The following ATP6V1C2 variants were observed in gnomAD, a reference collection of about 807,000 sequenced individuals.
The protein encoded by ATP6V1C2 is V-type proton ATPase subunit C 2.
ATP6V1C2 carries 45 observed loss-of-function variants against 56.8 expected under a neutral mutation model. That is an observed-to-expected ratio of 0.79 (90% CI 0.62 to 1.02). The LOEUF (loss-of-function observed/expected upper bound fraction) is 1.02. Among genes scored for constraint, ATP6V1C2 ranks in the 50% least tolerant of loss-of-function variants. ATP6V1C2 has a pLI of 0.00. For missense variants in ATP6V1C2, 463 were observed against 519.7 expected, an observed-to-expected ratio of 0.89 and a Z score of 1.06; for synonymous variants, 220 against 201.3, an observed-to-expected ratio of 1.09 and a Z score of -0.79.
intron 3 of ATP6V1C2, among the ~76,000 whole-genome samples, chr2:10,745,420 T>A (rs1662855821): frequency 6.6e-6 from 1 of 150,774 alleles, no homozygotes; most frequent in Non-Finnish European, 1.5e-5. Context: ...AGTGGCACCA[T>A]CTCAACTCAC....
chr2:10,723,837 C>CAA lies in ATP6V1C2; in HGVS notation c.129+877_129+878dup, dbSNP rs145669254. On this transcript the variant is annotated intron_variant, in intron 2 of 13. Coordinates refer to ENST00000272238, the MANE Select transcript of ATP6V1C2 (RefSeq NM_001039362.2). Reference sequence around the variant, plus strand: ...CTGGGTGAACGGCGAGACTCTGTCTCAAAAAAAAAAAAAAAAAAAGAATGA... The same window carrying CAA: ...CTGGGTGAACGGCGAGACTCTGTCTCAAAAAAAAAAAAAAAAAAAAAGAATGA... 2.2e-3 allele frequency among the ~76,000 whole-genome samples: 269 copies of CAA among 122,734 alleles called. 1 individual carries two copies. The highest frequency in any genetic ancestry group is 9.2e-3 in the East Asian group (42 of 4,542). The allele number at this position is 122,734 out of a possible 152,430, so 80.5% of individuals were successfully genotyped here. A position where few individuals can be genotyped will look rare whatever the true frequency, so the allele number is the denominator to read the frequency against.
At position 10,754,060 on chromosome 2, in the gene ATP6V1C2, A is replaced by C. The variant is rs1025104606; in HGVS notation, c.277A>C (p.Asn93His). Residue 93 changes from asparagine to histidine, a missense_variant, in exon 4 of 14, where the codon AAC becomes CAC. Asn to His is a moderately conservative substitution (Grantham distance 68). Transcript: ENST00000272238. The stretch of plus-strand genomic sequence containing the variant: ...GAAGGTCCAGGAGCACCTCCTGGCA[A>C]ACGGAGGTAGGTAGGGCGGCCCTCT... ...KGKVQEHLLANGVDLTSFVTH... is the reference protein window; with the variant it reads ...KGKVQEHLLAHGVDLTSFVTH... The C allele has an allele frequency of 6.2e-7, 1 of 1,600,614 alleles. No homozygotes were observed. Among genetic ancestry groups the C allele is most frequent in the African/African-American group, 1.3e-5 (1 of 74,572 alleles).
At position 10,783,260 on chromosome 2, in the gene ATP6V1C2, C is replaced by A; in HGVS notation, c.1281C>A (p.Asp427Glu). The change falls in exon 14 of 14, where the codon GAC (aspartate) becomes GAA (glutamate). Residue 427 changes from aspartate (D) to glutamate (E), a missense_variant. By Grantham distance (45) the Asp-to-Glu change is conservative. Coordinates refer to ENST00000272238, the MANE Select transcript of ATP6V1C2 (RefSeq NM_001039362.2). ...VYFHIDLSLL[D>E] The stretch of plus-strand genomic sequence containing the variant: ...TCCATATTGACCTTAGTCTTCTTGA[C>A]TAGAAAGGCCAGCTGGCACCTCTGT... 1 of 1,608,266 alleles carries A rather than the reference C, an allele frequency of 6.2e-7. No individual in the cohort carries two copies. The highest frequency in any genetic ancestry group is 8.5e-7 in the Non-Finnish European group (1 of 1,174,758).
intron 12 of ATP6V1C2, among the ~76,000 whole-genome samples, chr2:10,781,864 TA>T (rs968506636): frequency 3.3e-5 from 5 of 152,236 alleles, no homozygotes; most frequent in African/African-American, 1.2e-4. Flanking sequence ...ACAATCTTGA[TA>T]AACCAGATTT....
chr2:10,726,618 G>T, intron 3 of ATP6V1C2, 49 bp downstream of exon 3: 1 of 1,506,604 alleles, frequency 6.6e-7, no homozygotes, highest in Non-Finnish European at 9.2e-7. Context: ...TGACATTGTT[G>T]TCAGAGGACA....
Position 10,784,843 on chromosome 2 carries a change from G to A in ATP6V1C2, c.*1580G>A. 1 of 937,188 alleles carries A rather than the reference G, an allele frequency of 1.1e-6. No individual in the cohort carries two copies. Among genetic ancestry groups the A allele is most frequent in the Non-Finnish European group, 1.7e-6 (1 of 594,972 alleles). 58.1% of individuals were successfully genotyped at this position (937,188 alleles called of 1,614,324 possible). On this transcript the variant is annotated 3_prime_UTR_variant, in exon 14 of 14. Coordinates refer to ENST00000272238, the MANE Select transcript of ATP6V1C2 (RefSeq NM_001039362.2). ...GGGTGCACCAGGGCTGAGGTCTGAT[G>A]GGAAGGACTTGACTCCAGGTGCAGA...
intron 3 of ATP6V1C2, among the ~76,000 whole-genome samples, chr2:10,753,534 T>TA (rs1460895840): frequency 1.0e-3 from 136 of 134,716 alleles, no homozygotes; most frequent in African/African-American, 4.4e-3. Flanking sequence ...CTATTAGCAT[T>TA]TTTTTTTTTT....
intron 2 of ATP6V1C2, among the ~76,000 whole-genome samples, chr2:10,723,372 G>T (rs1490502719): frequency 6.6e-6 from 1 of 152,086 alleles, no homozygotes; most frequent in Non-Finnish European, 1.5e-5. Flanking sequence ...CAGGCTTGGG[G>T]GGCTTCAGCC....
chr2:10,740,437 T>A (rs1387606748), intron 3 of ATP6V1C2, among the ~76,000 whole-genome samples: 1 of 152,166 alleles, frequency 6.6e-6, no homozygotes, highest in African/African-American at 2.4e-5. Context: ...AGCCCTTCAC[T>A]TTGTATGTGC....
At chr2:10,754,107 G>A (rs780879705) in intron 4 of ATP6V1C2, 41 bp downstream of exon 4, 51 of 1,520,566 alleles carry the variant, frequency 3.4e-5, no homozygotes, top group Non-Finnish European at 4.6e-5. Flanking sequence ...CAATCTCCCC[G>A]CTCCCTCTAG....
intron 2 of ATP6V1C2, 22 bp from the exon 3 acceptor site, chr2:10,726,480 G>T: frequency 6.2e-7 from 1 of 1,608,794 alleles, no homozygotes; most frequent in Non-Finnish European, 8.5e-7. Flanking sequence ...GTGAGCCTCT[G>T]ACGTTTTTAT....
At chr2:10,756,871 C>T (rs1391989012) in intron 4 of ATP6V1C2, among the ~76,000 whole-genome samples, 2 of 152,062 alleles carry the variant, frequency 1.3e-5, no homozygotes, top group Non-Finnish European at 2.9e-5. Flanking sequence ...CCTAATGACA[C>T]ATTTCTCAGA....
chr2:10,730,550 A>T (rs943854384), intron 3 of ATP6V1C2, among the ~76,000 whole-genome samples: 3 of 145,714 alleles, frequency 2.1e-5, no homozygotes, highest in African/African-American at 7.6e-5. Context: ...TTTGTATGGG[A>T]TGTTGGACTA....
chr2:10,734,634 G>T (rs750626012), intron 3 of ATP6V1C2, among the ~76,000 whole-genome samples: 1 of 152,082 alleles, frequency 6.6e-6, no homozygotes, highest in African/African-American at 2.4e-5. Context: ...GACAGGGGTG[G>T]CAGAGGAGGG....
chr2:10,754,816 G>A (rs1224556264), intron 4 of ATP6V1C2, among the ~76,000 whole-genome samples: 4 of 150,744 alleles, frequency 2.7e-5, no homozygotes, highest in African/African-American at 9.8e-5. Context: ...CTGACCTTGT[G>A]TCCGCCCGCC....
intron 3 of ATP6V1C2, among the ~76,000 whole-genome samples, chr2:10,737,600 C>A (rs149550944): frequency 9.5e-4 from 145 of 152,272 alleles, no homozygotes; most frequent in African/African-American, 3.2e-3. Flanking sequence ...ATTGGAGCAA[C>A]ACTATCAATG....
At chr2:10,738,018 G>T (rs112449332) in intron 3 of ATP6V1C2, among the ~76,000 whole-genome samples, 1 of 152,126 alleles carries the variant, frequency 6.6e-6, no homozygotes, top group East Asian at 1.9e-4. Flanking sequence ...CTCCTCGAAG[G>T]CTGCCCCTTT....
intron 3 of ATP6V1C2, among the ~76,000 whole-genome samples, chr2:10,742,204 T>G (rs1662591404): frequency 6.6e-6 from 1 of 152,148 alleles, no homozygotes; most frequent in South Asian, 2.1e-4. Context: ...GTCACCACGC[T>G]GGCCTTTCTG....
intron 10 of ATP6V1C2, among the ~76,000 whole-genome samples, chr2:10,777,372 C>A (rs895693193): frequency 6.6e-6 from 1 of 152,194 alleles, no homozygotes; most frequent in African/African-American, 2.4e-5. Context: ...AATATGGAAC[C>A]CAAAGACCTT....
Sources: gnomAD v4.1 joint callset for allele counts (sites outside exome capture counted in the v4.1 genomes callset) on GRCh38, gnomAD v4.1.1 for gene constraint, MANE v1.5 for transcripts, NCBI Gene and HGNC (gene_info 2026-07-23, HGNC 2026-07-21) for gene names.